The following NALF1 variants were observed in gnomAD, a reference collection of about 807,000 sequenced individuals.
NALF1 encodes family with sequence similarity 155 member A.
In NALF1, 3 loss-of-function variants were observed where a neutral mutation model predicts 48.4. That is an observed-to-expected ratio of 0.06 (90% CI 0.03 to 0.16). The LOEUF (loss-of-function observed/expected upper bound fraction) is 0.16. Ranked by LOEUF, NALF1 falls within the 10% of genes least tolerant of loss-of-function variation. NALF1 has a pLI of 1.00. For missense variants in NALF1, 526 were observed against 571.5 expected (o/e 0.92, Z 0.81); for synonymous variants, 262 against 245.7 (o/e 1.07, Z -0.62).
At chr13:107,311,812 C>T (rs1167813613) in intron 1 of NALF1, among the ~76,000 whole-genome samples, 4 of 152,176 alleles carry the variant, frequency 2.6e-5, no homozygotes, top group Non-Finnish European at 5.9e-5. Flanking sequence ...CTAAAAGACA[C>T]TTGAAAAAAT....
At chr13:107,286,712 C>G (rs1881501559) in intron 1 of NALF1, among the ~76,000 whole-genome samples, 1 of 151,730 alleles carries the variant, frequency 6.6e-6, no homozygotes, top group African/African-American at 2.4e-5. Flanking sequence ...AGCCTGGAAA[C>G]AGAACGACAT....
intron 1 of NALF1, among the ~76,000 whole-genome samples, chr13:107,612,605 CAG>C (rs1879263121): frequency 6.6e-6 from 1 of 152,080 alleles, no homozygotes; most frequent in Admixed American, 6.5e-5. Context: ...AACAGAAAGG[CAG>C]AGTCAGAGAG....
At position 107,336,848 on chromosome 13, in the gene NALF1, T is replaced by G. The variant is rs184467190; in HGVS notation, c.916-126093A>C. 2.1e-3 allele frequency among the ~76,000 whole-genome samples: 319 copies of G among 152,174 alleles called. 1 individual carries two copies. Among genetic ancestry groups the G allele is most frequent in the African/African-American group, 7.1e-3 (293 of 41,516 alleles). On this transcript the variant is annotated intron_variant, in intron 1 of 2. Transcript: ENST00000375915. Reference sequence around the variant, plus strand: ...ACTCTATTACACAGTTACAGCAGGATCAAGGAAGAAAATGAGGAACATCTT... The same window carrying G: ...ACTCTATTACACAGTTACAGCAGGAGCAAGGAAGAAAATGAGGAACATCTT...
At chr13:107,541,416 A>T (rs534811133) in intron 1 of NALF1, among the ~76,000 whole-genome samples, 2 of 152,246 alleles carry the variant, frequency 1.3e-5, no homozygotes, top group African/African-American at 4.8e-5. Flanking sequence ...TCAAAAGAGA[A>T]GAATAGTCGA....
chr13:107,715,906 T>C lies in NALF1; in HGVS notation c.915+149776A>G, dbSNP rs148928999. ...CATAAAGGGGGATAGAATTCTTTCC[T>C]TATAGTTACATGTGTCACTCCAGAG... On this transcript the variant is annotated intron_variant, in intron 1 of 2. Coordinates refer to ENST00000375915, the MANE Select transcript of NALF1 (RefSeq NM_001080396.3). 6.2e-3 allele frequency among the ~76,000 whole-genome samples: 945 copies of C among 152,318 alleles called. 5 individuals carry two copies. Among genetic ancestry groups the C allele is most frequent in the Non-Finnish European group, 9.4e-3 (641 of 68,024 alleles).
At chr13:107,857,260 CT>C (rs1382635822) in intron 1 of NALF1, among the ~76,000 whole-genome samples, 1 of 152,180 alleles carries the variant, frequency 6.6e-6, no homozygotes, top group East Asian at 1.9e-4. Context: ...AATAAAAATA[CT>C]AACTATGGCT....
chr13:107,592,605 A>C (rs1471642553), intron 1 of NALF1, among the ~76,000 whole-genome samples: 1 of 151,882 alleles, frequency 6.6e-6, no homozygotes, highest in South Asian at 2.1e-4. Flanking sequence ...TTTCATGGCA[A>C]AATAACAGAA....
At chr13:107,702,887 T>C (rs1881857751) in intron 1 of NALF1, among the ~76,000 whole-genome samples, 1 of 152,232 alleles carries the variant, frequency 6.6e-6, no homozygotes. Flanking sequence ...CCTTCCTTTT[T>C]ATGGCTGTAT....
intron 1 of NALF1, among the ~76,000 whole-genome samples, chr13:107,663,957 C>T (rs1880792830): frequency 6.6e-6 from 1 of 152,142 alleles, no homozygotes; most frequent in Non-Finnish European, 1.5e-5. Flanking sequence ...GCACCCACTA[C>T]CATAGCTTCA....
In NALF1 at chr13:107,713,539, G is replaced by C. The variant is rs193114772; in HGVS notation, c.915+152143C>G. Among the ~76,000 whole-genome samples, 30 of 152,288 alleles carry C rather than the reference G, an allele frequency of 2.0e-4. No individual in the cohort carries two copies. The East Asian group carries it at 5.4e-3, about 27-fold the overall frequency. Reference sequence around the variant, plus strand: ...TCTACATTCCATAGATGAGGTAACTGAGGGATAAAGAGATTATATCATCAT... The same window carrying C: ...TCTACATTCCATAGATGAGGTAACTCAGGGATAAAGAGATTATATCATCAT... On this transcript the variant is annotated intron_variant, in intron 1 of 2. Coordinates refer to ENST00000375915, the MANE Select transcript of NALF1 (RefSeq NM_001080396.3).
intron 1 of NALF1, among the ~76,000 whole-genome samples, chr13:107,692,168 A>G (rs994891606): frequency 2.0e-5 from 3 of 152,206 alleles, no homozygotes; most frequent in Admixed American, 2.0e-4. Flanking sequence ...AAAATCATTA[A>G]TTGTTGATTT....
intron 1 of NALF1, among the ~76,000 whole-genome samples, chr13:107,834,352 A>G (rs1255255060): frequency 6.6e-6 from 1 of 152,188 alleles, no homozygotes; most frequent in Non-Finnish European, 1.5e-5. Flanking sequence ...CCACTTCTGC[A>G]TTACATTTGA....
chr13:107,422,116 T>C (rs1027321667), intron 1 of NALF1, among the ~76,000 whole-genome samples: 2 of 152,152 alleles, frequency 1.3e-5, no homozygotes, highest in African/African-American at 4.8e-5. Context: ...TTCCCATTCA[T>C]CATCATGGGA....
chr13:107,856,084 T>C (rs1159549469), intron 1 of NALF1, among the ~76,000 whole-genome samples: 4 of 152,158 alleles, frequency 2.6e-5, no homozygotes. Context: ...TTAAAAATTT[T>C]CTTGTAGAGA....
At chr13:107,848,957 T>C (rs1332288798) in intron 1 of NALF1, among the ~76,000 whole-genome samples, 1 of 152,204 alleles carries the variant, frequency 6.6e-6, no homozygotes, top group East Asian at 1.9e-4. Context: ...ACCTCTCACA[T>C]AATGGAGAAT....
intron 1 of NALF1, among the ~76,000 whole-genome samples, chr13:107,327,449 C>CTATATAATTATAGAAT (rs1213822732): frequency 1.3e-5 from 2 of 152,166 alleles, no homozygotes; most frequent in Non-Finnish European, 2.9e-5. Flanking sequence ...CCAAACCATT[C>CTATATAATTATAGAAT]TATAATGGGC....
At chr13:107,358,272 C>T (rs547868039) in intron 1 of NALF1, among the ~76,000 whole-genome samples, 87 of 152,142 alleles carry the variant, frequency 5.7e-4, no homozygotes, top group South Asian at 3.1e-3. Flanking sequence ...TTATCACTTG[C>T]CTGCTGTATT....
At chr13:107,557,835 G>T (rs956837381) in intron 1 of NALF1, among the ~76,000 whole-genome samples, 1 of 152,098 alleles carries the variant, frequency 6.6e-6, no homozygotes, top group African/African-American at 2.4e-5. Context: ...CTGAGGAACC[G>T]AAAAGAGGCT....
chr13:107,730,233 C>T (rs1333162135), intron 1 of NALF1, among the ~76,000 whole-genome samples: 1 of 152,144 alleles, frequency 6.6e-6, no homozygotes, highest in African/African-American at 2.4e-5. Flanking sequence ...TTTCTTTTCC[C>T]AGAATTATTG....
Sources: gnomAD v4.1 joint callset for allele counts (sites outside exome capture counted in the v4.1 genomes callset) on GRCh38, gnomAD v4.1.1 for gene constraint, MANE v1.5 for transcripts, NCBI Gene and HGNC (gene_info 2026-07-23, HGNC 2026-07-21) for gene names.